SULF1: variants seen among roughly 807,000 people sequenced by gnomAD.
SULF1 encodes extracellular sulfatase Sulf-1.
In SULF1, 46 loss-of-function variants were observed where a neutral mutation model predicts 110.5. The observed-to-expected ratio is 0.42, with a 90% confidence interval of 0.33 to 0.53. The LOEUF is 0.53. SULF1 is among the 20% of genes least tolerant of loss of function. SULF1 has a pLI of 0.12. For missense variants in SULF1, 941 were observed against 1,094.2 expected, an observed-to-expected ratio of 0.86 and a Z score of 1.98; for synonymous variants, 371 against 387.1, an observed-to-expected ratio of 0.96 and a Z score of 0.49.
chr8:69,552,217 C>A (rs1367567290), intron 3 of SULF1, among the ~76,000 whole-genome samples: 1 of 152,156 alleles, frequency 6.6e-6, no homozygotes. Flanking sequence ...GAGCCTAGGG[C>A]CTTTATTTAA....
chr8:69,568,879 A>C (rs192994871), intron 5 of SULF1, among the ~76,000 whole-genome samples: 4 of 152,326 alleles, frequency 2.6e-5, no homozygotes, highest in Admixed American at 1.3e-4. Flanking sequence ...AAAAATATAT[A>C]TCTGAAAGAA....
rs536129475 is a variant in SULF1, at chr8:69,643,441, G to A, written c.2585+2600G>A. Reference sequence around the variant, plus strand: ...AAAAAAAAAAAAACAAGTTTTTATCGTGAAATTTGATTACAAAAGATTTTG... The same window carrying A: ...AAAAAAAAAAAAACAAGTTTTTATCATGAAATTTGATTACAAAAGATTTTG... On this transcript the variant is annotated intron_variant, in intron 22 of 22. Transcript: ENST00000402687. 5.9e-5 allele frequency among the ~76,000 whole-genome samples: 9 copies of A among 151,472 alleles called. No individual in the cohort carries two copies. In the South Asian group the frequency reaches 8.4e-4, roughly 14 times the overall value.
chr8:69,554,754 A>G (rs758802222), intron 3 of SULF1, among the ~76,000 whole-genome samples: 9 of 151,748 alleles, frequency 5.9e-5, no homozygotes, highest in Non-Finnish European at 1.2e-4. Flanking sequence ...CCGAGGCAGG[A>G]GGATCATGAG....
intron 6 of SULF1, among the ~76,000 whole-genome samples, chr8:69,577,922 C>G (rs1489741730): frequency 5.9e-5 from 9 of 152,286 alleles, no homozygotes; most frequent in Admixed American, 4.6e-4. Context: ...TTCCAAAACG[C>G]CTTCCAGAGA....
At chr8:69,571,405 A>G (rs1805222213) in intron 5 of SULF1, among the ~76,000 whole-genome samples, 2 of 152,226 alleles carry the variant, frequency 1.3e-5, no homozygotes, top group Admixed American at 6.5e-5. Context: ...AAAAAAGGAT[A>G]AATGACTTGC....
At chr8:69,472,202 C>T (rs779383200) in intron 1 of SULF1, among the ~76,000 whole-genome samples, 5 of 152,120 alleles carry the variant, frequency 3.3e-5, no homozygotes, top group African/African-American at 1.2e-4. Flanking sequence ...AACAAAGGAC[C>T]CCATCCCTGT....
At chr8:69,475,263 A>AG (rs1393093130) in intron 1 of SULF1, among the ~76,000 whole-genome samples, 1 of 152,136 alleles carries the variant, frequency 6.6e-6, no homozygotes, top group Admixed American at 6.6e-5. Context: ...TGGACTTGAT[A>AG]GCTAAACAGA....
At chr8:69,631,902 T>A (rs1333252407) in intron 19 of SULF1, among the ~76,000 whole-genome samples, 1 of 152,264 alleles carries the variant, frequency 6.6e-6, no homozygotes, top group African/African-American at 2.4e-5. Flanking sequence ...CCATGGGACG[T>A]ATCACATTTG....
chr8:69,568,683 C>T (rs1035189937), intron 5 of SULF1, among the ~76,000 whole-genome samples: 7 of 152,086 alleles, frequency 4.6e-5, no homozygotes, highest in Non-Finnish European at 8.8e-5. Context: ...AAGTTGTTCA[C>T]GTTGTGCCTA....
intron 3 of SULF1, among the ~76,000 whole-genome samples, chr8:69,547,964 A>T (rs1158933201): frequency 6.6e-6 from 1 of 152,178 alleles, no homozygotes; most frequent in Non-Finnish European, 1.5e-5. Flanking sequence ...AACTTAATCC[A>T]GCTCAATCTT....
intron 3 of SULF1, among the ~76,000 whole-genome samples, chr8:69,520,756 A>G (rs925236478): frequency 3.9e-5 from 6 of 152,162 alleles, no homozygotes; most frequent in African/African-American, 1.4e-4. Flanking sequence ...ACATGAAGCC[A>G]CTGAATTTTG....
chr8:69,483,984 A>G (rs2150545769), intron 1 of SULF1, among the ~76,000 whole-genome samples: 1 of 152,326 alleles, frequency 6.6e-6, no homozygotes, highest in Admixed American at 6.5e-5. Context: ...ACATAGAATT[A>G]TCTTGGTCCC....
chr8:69,542,602 G>T (rs1813935534), intron 3 of SULF1, among the ~76,000 whole-genome samples: 1 of 151,692 alleles, frequency 6.6e-6, no homozygotes, highest in African/African-American at 2.4e-5. Flanking sequence ...ACAAGTATGT[G>T]AAACCTTTGT....
chr8:69,602,705 T>C (rs180880287), intron 10 of SULF1, among the ~76,000 whole-genome samples: 61 of 152,330 alleles, frequency 4.0e-4, no homozygotes, highest in Admixed American at 2.3e-3. Flanking sequence ...CTTTGAAGAA[T>C]GTTATTGTGC....
chr8:69,617,395 A>G (rs1239443102), intron 13 of SULF1, among the ~76,000 whole-genome samples: 2 of 12,634 alleles, frequency 1.6e-4, no homozygotes, highest in African/African-American at 5.4e-4. Context: ...ATATATATAT[A>G]TATATATATA....
chr8:69,501,126 A>G (rs1810769413), intron 2 of SULF1, among the ~76,000 whole-genome samples: 1 of 152,238 alleles, frequency 6.6e-6, no homozygotes, highest in African/African-American at 2.4e-5. Flanking sequence ...TTTATTAAAC[A>G]TTAATATTTA....
chr8:69,577,119 C>T (rs1164078295), intron 6 of SULF1, among the ~76,000 whole-genome samples: 3 of 152,226 alleles, frequency 2.0e-5, no homozygotes, highest in Non-Finnish European at 2.9e-5. Flanking sequence ...AGCACTGTCA[C>T]TCGCAGACAG....
At chr8:69,536,874 C>T (rs1467058863) in intron 3 of SULF1, among the ~76,000 whole-genome samples, 1 of 152,116 alleles carries the variant, frequency 6.6e-6, no homozygotes, top group African/African-American at 2.4e-5. Context: ...CTCTTTATGG[C>T]CCTCCCAGGG....
At position 69,559,327 on chromosome 8, in the gene SULF1, T is replaced by C. The variant is rs116918847; in HGVS notation, c.-133-4212T>C. Among the ~76,000 whole-genome samples the C allele has an allele frequency of 6.9e-3, 1,045 of 152,338 alleles. 5 individuals are homozygous for C. The highest frequency in any genetic ancestry group is 0.011 in the Non-Finnish European group (728 of 68,028). On this transcript the variant is annotated intron_variant, in intron 3 of 22. Transcript: ENST00000402687. ...ATGCATTTTTTATTCATGTAAGATT[T>C]TGTAGCACTGTGATTATTTGGGAAA...
Sources: allele counts gnomAD v4.1 joint callset (sites outside exome capture counted in the v4.1 genomes callset), GRCh38; gene constraint gnomAD v4.1.1; transcripts MANE v1.5; gene names NCBI Gene and HGNC (gene_info 2026-07-23, HGNC 2026-07-21).